LAPTM5: variants seen among roughly 807,000 people sequenced by gnomAD.
LAPTM5 encodes the protein lysosomal-associated transmembrane protein 5.
Under a neutral mutation model 30.1 loss-of-function variants are expected in LAPTM5, and 11 were observed. The ratio of observed to expected loss-of-function variants is 0.37; its 90% CI spans 0.23 to 0.60. The LOEUF (loss-of-function observed/expected upper bound fraction) is 0.60. LAPTM5 is among the 20% of genes least tolerant of loss of function. LAPTM5 has a pLI of 0.71. For synonymous variants in LAPTM5, 151 were observed against 137.9 expected, an observed-to-expected ratio of 1.10 and a Z score of -0.67; for missense variants, 324 against 332.5, an observed-to-expected ratio of 0.97 and a Z score of 0.20.
chr1:30,757,330 C>A (rs1163753088), intron 1 of LAPTM5, among the ~76,000 whole-genome samples: 3 of 152,228 alleles, frequency 2.0e-5, no homozygotes, highest in Admixed American at 1.3e-4. Context: ...TGGCTTTGCA[C>A]ACAAATAACC....
chr1:30,748,017 C>G (rs1640072695), intron 1 of LAPTM5, among the ~76,000 whole-genome samples: 1 of 152,098 alleles, frequency 6.6e-6, no homozygotes, highest in African/African-American at 2.4e-5. Context: ...ACCCCCGATT[C>G]TGGGGTTCAA....
At chr1:30,755,289 C>A (rs983641758) in intron 1 of LAPTM5, among the ~76,000 whole-genome samples, 1 of 151,720 alleles carries the variant, frequency 6.6e-6, no homozygotes, top group Non-Finnish European at 1.5e-5. Context: ...AGGTAGAGAC[C>A]ATGGATGCTG....
At chr1:30,741,961 C>G in intron 2 of LAPTM5, 1 of 404,342 alleles carries the variant, frequency 2.5e-6, no homozygotes, top group Non-Finnish European at 4.5e-6. Context: ...TCCACTTCAG[C>G]CAGGGTGAGG....
intron 7 of LAPTM5, 100 bp from the exon 8 acceptor site, chr1:30,734,017 T>G (rs1639853542): frequency 7.9e-7 from 1 of 1,258,108 alleles, no homozygotes; most frequent in Admixed American, 2.6e-5. Context: ...GGCAAAATGA[T>G]GATGATAATG....
chr1:30,741,658 T>C lies in LAPTM5; in HGVS notation c.240A>G (p.Leu80=). The change falls in exon 3 of 8, where the codon CTA becomes CTG. Residue 80 remains leucine, a synonymous_variant. Coordinates refer to ENST00000294507, the MANE Select transcript of LAPTM5 (RefSeq NM_006762.3). ...ITMLFIISLS[L]LIGVVKNREK... is the part of the protein sequence containing the mutation. ...CCCTCACCTTGACTACGCCGATCAG[T>C]AGGCTCAGGCTGATGATGAAGAGCA... 3 of 1,605,470 alleles carry C rather than the reference T, an allele frequency of 1.9e-6. No homozygotes were observed. Among genetic ancestry groups the C allele is most frequent in the African/African-American group, 1.3e-5 (1 of 74,820 alleles).
intron 2 of LAPTM5, 48 bp from the exon 3 acceptor site, chr1:30,741,764 C>A (rs1639973572): frequency 7.0e-7 from 1 of 1,431,988 alleles, no homozygotes; most frequent in Non-Finnish European, 9.5e-7. Context: ...CCCCTGGGAC[C>A]CCAGCCAGGC....
rs143164701 is a variant in LAPTM5, at chr1:30,742,032, A to C, written c.182-316T>G. The C allele has an allele frequency of 3.2e-3, 1,166 of 363,628 alleles. 21 individuals carry two copies. Among genetic ancestry groups the C allele is most frequent in the South Asian group, 0.022 (723 of 33,206 alleles). 22.5% of individuals were successfully genotyped at this position (363,628 alleles called of 1,614,324 possible). ...AATGAGGAATCGGCCTGAGACAGGGACAGGGTTGGTGAGGTCAGTGTGGCT... is the reference window on the plus strand; with the variant it reads ...AATGAGGAATCGGCCTGAGACAGGGCCAGGGTTGGTGAGGTCAGTGTGGCT... On this transcript the variant is annotated intron_variant, in intron 2 of 7. Coordinates refer to ENST00000294507, the MANE Select transcript of LAPTM5 (RefSeq NM_006762.3).
rs746705065 is a variant in LAPTM5, at chr1:30,757,699, T to C, written c.47A>G (p.Asn16Ser). The change falls in exon 1 of 8, where the codon AAT (asparagine) becomes AGT (serine). Residue 16 changes from asparagine (N) to serine (S), a missense_variant. Physicochemically the swap from Asn to Ser is conservative, Grantham distance 46 (BLOSUM62 1). Transcript: ENST00000294507. ...STVRQTCCCFNVRIATTALAI... is the reference protein window; with the variant it reads ...STVRQTCCCFSVRIATTALAI... ...CAGGGCGGTGGTTGCGATGCGGACA[T>C]TGAAGCAGCAGCAGGTCTGGCGGAC... is the stretch of plus-strand genomic sequence containing the variant. The C allele has an allele frequency of 1.9e-6, 3 of 1,613,628 alleles. No individual in the cohort carries two copies. The highest frequency in any genetic ancestry group is 2.5e-6 in the Non-Finnish European group (3 of 1,180,002).
chr1:30,745,350 G>A (rs141476532), intron 1 of LAPTM5, among the ~76,000 whole-genome samples: 31 of 152,246 alleles, frequency 2.0e-4, no homozygotes, highest in East Asian at 9.6e-4. Flanking sequence ...CCAGCCACCC[G>A]GGCTCTGCCT....
At chr1:30,753,414 G>C (rs941926593) in intron 1 of LAPTM5, among the ~76,000 whole-genome samples, 2 of 152,124 alleles carry the variant, frequency 1.3e-5, no homozygotes, top group Non-Finnish European at 2.9e-5. Context: ...TCAGCCGGGG[G>C]CTCAAAGTCA....
In LAPTM5 at chr1:30,746,719, T is replaced by A. The variant is rs963865087; in HGVS notation, c.88-4170A>T. On this transcript the variant is annotated intron_variant, in intron 1 of 7. Transcript: ENST00000294507. This position sits in a 1 kb window ranked among gnomAD's most constrained non-coding sequence, Gnocchi z 4.0. ...TAAGAGCTCGGGTGCTGGGGTCAGATGGCCCCAGGCCCCAGCCGAGCTCTG... is the reference window on the plus strand; with the variant it reads ...TAAGAGCTCGGGTGCTGGGGTCAGAAGGCCCCAGGCCCCAGCCGAGCTCTG... Among the ~76,000 whole-genome samples the A allele has an allele frequency of 1.3e-5, 2 of 150,664 alleles. No individual in the cohort carries two copies. The highest frequency in any genetic ancestry group is 3.0e-5 in the Non-Finnish European group (2 of 67,490).
intron 1 of LAPTM5, among the ~76,000 whole-genome samples, chr1:30,743,806 T>TTTTG (rs1422469168): frequency 2.0e-5 from 3 of 148,324 alleles, no homozygotes; most frequent in African/African-American, 2.5e-5. Flanking sequence ...TTTTTTTTTT[T>TTTTG]TTTTTTTTTT....
intron 1 of LAPTM5, among the ~76,000 whole-genome samples, chr1:30,755,797 CAGA>C (rs1640200461): frequency 6.6e-6 from 1 of 152,204 alleles, no homozygotes; most frequent in Non-Finnish European, 1.5e-5. Context: ...ATTGAAACAT[CAGA>C]AGATGTGACA....
At chr1:30,753,581 G>T (rs1324461733) in intron 1 of LAPTM5, among the ~76,000 whole-genome samples, 8 of 152,034 alleles carry the variant, frequency 5.3e-5, no homozygotes, top group Non-Finnish European at 1.5e-5. Context: ...TTGACAAAAT[G>T]CCTGACAAAT....
chr1:30,735,580 C>T (rs77278616), intron 6 of LAPTM5, among the ~76,000 whole-genome samples: 1,647 of 152,336 alleles, frequency 0.011, 29 homozygotes, highest in African/African-American at 0.037. Context: ...AGCTCACTAC[C>T]TCCTGAGACA....
chr1:30,754,181 C>T (rs1403473548), intron 1 of LAPTM5, among the ~76,000 whole-genome samples: 1 of 151,934 alleles, frequency 6.6e-6, no homozygotes, highest in South Asian at 2.1e-4. Context: ...TTTCTACCAT[C>T]GACTTAGAAC....
Position 30,732,496 on chromosome 1 carries a change from TC to T in LAPTM5, c.*1331del, listed in dbSNP as rs1639825623. On this transcript the variant is annotated 3_prime_UTR_variant, in exon 8 of 8. Transcript: ENST00000294507. ...AGCTTGTTGCTGCTTTATTGAAACT[TC>T]CTCCCTGTCGCACACAAAGCAATTA... 6.6e-6 allele frequency: 1 copy of T among 150,742 alleles called. No individual in the cohort carries two copies. 9.3% of individuals were successfully genotyped at this position (150,742 alleles called of 1,614,324 possible). A position where few individuals can be genotyped will look rare whatever the true frequency, so the allele number is the denominator to read the frequency against.
At chr1:30,757,124 A>G (rs1053965596) in intron 1 of LAPTM5, among the ~76,000 whole-genome samples, 3 of 152,218 alleles carry the variant, frequency 2.0e-5, no homozygotes, top group African/African-American at 7.2e-5. Context: ...CTGAGAGGAC[A>G]CGGCCCCTGC....
At chr1:30,757,157 G>A (rs1640222683) in intron 1 of LAPTM5, among the ~76,000 whole-genome samples, 1 of 152,158 alleles carries the variant, frequency 6.6e-6, no homozygotes, top group African/African-American at 2.4e-5. Context: ...GGCACAAAGG[G>A]GAGATCCCCA....
Sources: gnomAD v4.1 joint callset for allele counts (sites outside exome capture counted in the v4.1 genomes callset) on GRCh38, gnomAD v4.1.1 for gene constraint, Gnocchi (gnomAD v3.1) non-coding constraint, MANE v1.5 for transcripts, NCBI Gene and HGNC (gene_info 2026-07-23, HGNC 2026-07-21) for gene names.